The following YEATS2 variants were observed in gnomAD, a reference collection of about 807,000 sequenced individuals.
YEATS2 encodes the protein YEATS domain containing 2.
In YEATS2, 77 loss-of-function variants were observed where a neutral mutation model predicts 163.2. The observed-to-expected ratio is 0.47, with a 90% confidence interval of 0.39 to 0.57. The LOEUF is 0.57. Ranked by LOEUF, YEATS2 falls within the 20% of genes least tolerant of loss-of-function variation. The pLI is 0.00. For synonymous variants in YEATS2, 631 were observed against 645.1 expected, an observed-to-expected ratio of 0.98 and a Z score of 0.33; for missense variants, 1,549 against 1,729.8, an observed-to-expected ratio of 0.90 and a Z score of 1.85.
chr3:183,776,952 CAAAA>C (rs763680761), intron 18 of YEATS2, among the ~76,000 whole-genome samples: 2 of 92,144 alleles, frequency 2.2e-5, no homozygotes, highest in African/African-American at 3.8e-5. Flanking sequence ...GACTCTGTCT[CAAAA>C]AAAAAAAAAA....
At chr3:183,807,378 A>G (rs1726324183) in intron 28 of YEATS2, 2 of 380,450 alleles carry the variant, frequency 5.3e-6, no homozygotes, top group Non-Finnish European at 4.9e-6. Context: ...CTAGATAGAA[A>G]TGGTTGATTA....
Position 183,798,882 on chromosome 3 carries a change from TC to T in YEATS2, c.3227-6del. 1 of 1,607,394 alleles carries T rather than the reference TC, an allele frequency of 6.2e-7. No homozygotes were observed. The highest frequency in any genetic ancestry group is 8.5e-7 in the Non-Finnish European group (1 of 1,173,938). On this transcript the variant is annotated splice_region_variant and splice_polypyrimidine_tract_variant and intron_variant, in intron 22 of 30. Coordinates refer to ENST00000305135, the MANE Select transcript of YEATS2 (RefSeq NM_018023.5). Reference sequence around the variant, plus strand: ...TTTGTTATATCCCTCCCTCCTTTTTTCCCTTTAGTGGTTCAGTCATTTTCTA... The same window carrying T: ...TTTGTTATATCCCTCCCTCCTTTTTTCCTTTAGTGGTTCAGTCATTTTCTA...
At chr3:183,795,329 C>G (rs1725035551) in intron 21 of YEATS2, among the ~76,000 whole-genome samples, 1 of 151,628 alleles carries the variant, frequency 6.6e-6, no homozygotes, top group Non-Finnish European at 1.5e-5. Context: ...GCTCTGTTAC[C>G]CAGGCTGGAG....
At chr3:183,712,214 T>TTTATTTTATTTTATTTTATG (rs1715314885) in intron 1 of YEATS2, among the ~76,000 whole-genome samples, 1 of 103,084 alleles carries the variant, frequency 9.7e-6, no homozygotes, top group African/African-American at 3.8e-5. Context: ...TTTATTTTAT[T>TTTATTTTATTTTATTTTATG]TTATTTTATT....
At chr3:183,777,726 A>T in intron 19 of YEATS2, 26 bp downstream of exon 19, 1 of 1,592,444 alleles carries the variant, frequency 6.3e-7, no homozygotes, top group South Asian at 1.1e-5. Flanking sequence ...CACACACCCC[A>T]AATATGGGGT....
intron 21 of YEATS2, chr3:183,793,612 T>TG (rs1483236049): frequency 1.5e-3 from 330 of 217,916 alleles, no homozygotes; most frequent in African/African-American, 8.0e-3. Context: ...TTTCTTTCTT[T>TG]TTTTTTTTTT....
intron 8 of YEATS2, 95 bp downstream of exon 8, chr3:183,736,924 A>G (rs1718401884): frequency 1.8e-6 from 2 of 1,108,860 alleles, no homozygotes; most frequent in South Asian, 3.2e-5. Flanking sequence ...ACCCCCTCGC[A>G]TTAAAAAATT....
chr3:183,774,355 TTG>T (rs1722762345), intron 17 of YEATS2, among the ~76,000 whole-genome samples: 3 of 152,044 alleles, frequency 2.0e-5, no homozygotes, highest in Admixed American at 2.0e-4. Flanking sequence ...GGGATCTAGG[TTG>T]TGTGCTCCTT....
At chr3:183,784,635 A>C (rs1723878651) in intron 19 of YEATS2, among the ~76,000 whole-genome samples, 1 of 151,790 alleles carries the variant, frequency 6.6e-6, no homozygotes, top group Non-Finnish European at 1.5e-5. Flanking sequence ...TTTTTGTTGC[A>C]ATTGTTGTTG....
At chr3:183,705,024 A>G (rs1389974424) in intron 1 of YEATS2, among the ~76,000 whole-genome samples, 1 of 152,022 alleles carries the variant, frequency 6.6e-6, no homozygotes, top group Admixed American at 6.6e-5. Flanking sequence ...TACCAGATAT[A>G]TATCTATATC....
chr3:183,758,005 G>A (rs1001677682), intron 12 of YEATS2, among the ~76,000 whole-genome samples: 1 of 152,082 alleles, frequency 6.6e-6, no homozygotes, highest in African/African-American at 2.4e-5. Flanking sequence ...TTGACTATAG[G>A]TAATATATGA....
intron 1 of YEATS2, among the ~76,000 whole-genome samples, chr3:183,707,125 A>G (rs1052056120): frequency 1.3e-5 from 2 of 152,202 alleles, no homozygotes; most frequent in Admixed American, 1.3e-4. Flanking sequence ...AAAATCCAAA[A>G]CAGTATGAAA....
At chr3:183,798,827 A>T in intron 22 of YEATS2, 64 bp from the exon 23 acceptor site, 1 of 1,274,574 alleles carries the variant, frequency 7.8e-7, no homozygotes, top group Non-Finnish European at 1.1e-6. Context: ...ACCTGGAAGT[A>T]GATCACCCTC....
chr3:183,798,810 G>A (rs1391110728), intron 22 of YEATS2, 81 bp from the exon 23 acceptor site: 1 of 1,089,964 alleles, frequency 9.2e-7, no homozygotes. Flanking sequence ...TCTAATGTGG[G>A]GTTGTCACCT....
intron 1 of YEATS2, among the ~76,000 whole-genome samples, chr3:183,707,426 G>A (rs147192305): frequency 3.0e-4 from 45 of 152,250 alleles, no homozygotes; most frequent in Middle Eastern, 3.4e-3. Context: ...CGATTTGTTC[G>A]TCCATTCCTC....
Position 183,742,352 on chromosome 3 carries a change from G to A in YEATS2, c.925-5320G>A, listed in dbSNP as rs184250879. Among the ~76,000 whole-genome samples the A allele has an allele frequency of 3.8e-4, 58 of 152,316 alleles. 1 individual carries two copies. The East Asian group carries it at 0.011, about 28-fold the overall frequency. ...GACTAACCATTCTAGATGCCATTGA[G>A]AACATTTGTGATTCATGAGAGGAGG... is the stretch of plus-strand genomic sequence containing the variant. On this transcript the variant is annotated intron_variant, in intron 8 of 30. Coordinates refer to ENST00000305135, the MANE Select transcript of YEATS2 (RefSeq NM_018023.5).
At chr3:183,803,536 C>G (rs1577226152) in intron 26 of YEATS2, 1 of 605,502 alleles carries the variant, frequency 1.7e-6, no homozygotes, top group Non-Finnish European at 2.9e-6. Flanking sequence ...AAACATCCCT[C>G]ACAGTTTCTA....
rs762800779 is a variant in YEATS2 at position 183,772,502 on chromosome 3, G to T, written c.2145G>T (p.Gln715His). 2 of 1,614,166 alleles carry T rather than the reference G, an allele frequency of 1.2e-6. No individual in the cohort carries two copies. Among genetic ancestry groups the T allele is most frequent in the Non-Finnish European group, 1.7e-6 (2 of 1,180,042 alleles). ...GGGTIVAQPV[Q>H]TLTKAQVTAA... ...GAACCATTGTTGCTCAGCCAGTGCA[G>T]ACCTTAACCAAGGCCCAGGTTACTG... The change falls in exon 16 of 31, where the codon CAG (glutamine) becomes CAT (histidine). Residue 715 changes from glutamine to histidine, a missense_variant. By Grantham distance (24) the Gln-to-His change is conservative (BLOSUM62 0). Coordinates refer to ENST00000305135, the MANE Select transcript of YEATS2 (RefSeq NM_018023.5).
At chr3:183,710,990 A>C (rs1715138129) in intron 1 of YEATS2, among the ~76,000 whole-genome samples, 2 of 152,154 alleles carry the variant, frequency 1.3e-5, no homozygotes, top group African/African-American at 4.8e-5. Flanking sequence ...TCCACCTCTG[A>C]TTCTAGGTTC....
Sources: allele counts gnomAD v4.1 joint callset (sites outside exome capture counted in the v4.1 genomes callset), GRCh38; gene constraint gnomAD v4.1.1; transcripts MANE v1.5; gene names NCBI Gene and HGNC (gene_info 2026-07-23, HGNC 2026-07-21).